The following SNTG2 variants were observed in gnomAD, a reference collection of about 807,000 sequenced individuals.
SNTG2 encodes gamma-2-syntrophin.
SNTG2 carries 74 observed loss-of-function variants against 70.9 expected under a neutral mutation model. The ratio of observed to expected loss-of-function variants is 1.04; its 90% CI spans 0.86 to 1.27. The LOEUF (loss-of-function observed/expected upper bound fraction) is 1.27. Ranked by LOEUF, SNTG2 falls within the 50% of genes most tolerant of loss-of-function variation. SNTG2 has a pLI of 0.00. For missense variants in SNTG2, 717 were observed against 690.7 expected (o/e 1.04, Z -0.43); for synonymous variants, 278 against 273.8 (o/e 1.02, Z -0.15).
At chr2:1,329,036 AAAAATCCTTTTATAAGGTAT>A (rs1243351789) in intron 16 of SNTG2, among the ~76,000 whole-genome samples, 1 of 152,162 alleles carries the variant, frequency 6.6e-6, no homozygotes, top group Non-Finnish European at 1.5e-5. Context: ...CAGACTCTTA[AAAAATCCTTTTATAAGGTAT>A]TAGCTGGGCA....
intron 11 of SNTG2, among the ~76,000 whole-genome samples, chr2:1,245,734 A>T (rs566866403): frequency 1.3e-5 from 2 of 152,368 alleles, no homozygotes; most frequent in East Asian, 3.9e-4. Flanking sequence ...TAGGTATTTT[A>T]AAATAATCTG....
intron 12 of SNTG2, among the ~76,000 whole-genome samples, chr2:1,247,890 A>G (rs1286072748): frequency 6.6e-6 from 1 of 152,212 alleles, no homozygotes; most frequent in Non-Finnish European, 1.5e-5. Flanking sequence ...AGTGGGGTCC[A>G]TAATATAAAT....
At chr2:1,028,994 G>A (rs943464426) in intron 1 of SNTG2, among the ~76,000 whole-genome samples, 5 of 152,102 alleles carry the variant, frequency 3.3e-5, no homozygotes, top group Non-Finnish European at 7.3e-5. Flanking sequence ...GAAATGTGGA[G>A]GCATGCACCT....
At chr2:1,087,317 T>G (rs1370551137) in intron 2 of SNTG2, among the ~76,000 whole-genome samples, 1 of 152,206 alleles carries the variant, frequency 6.6e-6, no homozygotes, top group Non-Finnish European at 1.5e-5. Flanking sequence ...AGAGTTCGTG[T>G]AGCATGGCTG....
chr2:1,276,352 T>A (rs1011742115), intron 14 of SNTG2, among the ~76,000 whole-genome samples: 4 of 152,206 alleles, frequency 2.6e-5, no homozygotes, highest in African/African-American at 9.6e-5. Context: ...TAGGGTCCAA[T>A]GTATATGGAG....
intron 1 of SNTG2, among the ~76,000 whole-genome samples, chr2:1,073,371 G>A (rs982057311): frequency 2.0e-5 from 3 of 152,198 alleles, no homozygotes; most frequent in Non-Finnish European, 1.5e-5. Flanking sequence ...CAACAACGAG[G>A]CAAGGTTCTC....
At chr2:1,075,020 A>G (rs1328171224) in intron 1 of SNTG2, among the ~76,000 whole-genome samples, 3 of 152,258 alleles carry the variant, frequency 2.0e-5, no homozygotes, top group Non-Finnish European at 4.4e-5. Context: ...TAAAATAATC[A>G]TGGAATCATA....
intron 1 of SNTG2, among the ~76,000 whole-genome samples, chr2:1,079,392 G>GGATT (rs1248988277): frequency 6.6e-6 from 1 of 152,164 alleles, no homozygotes; most frequent in African/African-American, 2.4e-5. Flanking sequence ...TAGAAGAAAG[G>GGATT]GATTAGCATA....
chr2:1,362,762 A>C (rs985864702), intron 16 of SNTG2, among the ~76,000 whole-genome samples: 1 of 151,316 alleles, frequency 6.6e-6, no homozygotes, highest in African/African-American at 2.4e-5. Flanking sequence ...TAGAACTTCC[A>C]CGAAGGTCAC....
chr2:1,062,367 A>G (rs35646559), intron 1 of SNTG2, among the ~76,000 whole-genome samples: 26,943 of 152,150 alleles, frequency 0.18, 2,458 homozygotes, highest in South Asian at 0.22. Flanking sequence ...CCTTGGGTGG[A>G]TGGGAGCAGA....
chr2:1,163,973 C>T (rs921178804), intron 6 of SNTG2, among the ~76,000 whole-genome samples: 2 of 152,192 alleles, frequency 1.3e-5, no homozygotes, highest in African/African-American at 4.8e-5. Context: ...ATTCAAGCTA[C>T]ATCAGGTGTC....
chr2:1,114,395 C>T (rs1202848627), intron 4 of SNTG2, among the ~76,000 whole-genome samples: 1 of 151,728 alleles, frequency 6.6e-6, no homozygotes, highest in Non-Finnish European at 1.5e-5. Flanking sequence ...CCTTACACTC[C>T]TTTGAGGAGA....
chr2:1,303,306 A>G (rs576298855), intron 14 of SNTG2, among the ~76,000 whole-genome samples: 4 of 152,332 alleles, frequency 2.6e-5, no homozygotes, highest in Non-Finnish European at 5.9e-5. Flanking sequence ...GTTAATTAAA[A>G]TGGAAACAAA....
At chr2:1,269,251 C>T (rs1332352194) in intron 14 of SNTG2, among the ~76,000 whole-genome samples, 1 of 152,104 alleles carries the variant, frequency 6.6e-6, no homozygotes, top group Non-Finnish European at 1.5e-5. Context: ...TGCCTGTAAT[C>T]CTAGCCCTTC....
At chr2:1,031,980 T>A (rs1660863610) in intron 1 of SNTG2, among the ~76,000 whole-genome samples, 1 of 152,186 alleles carries the variant, frequency 6.6e-6, no homozygotes. Context: ...ACTCTGTGAA[T>A]ACAGTAAAAA....
At chr2:988,311 C>T (rs1024235638) in intron 1 of SNTG2, among the ~76,000 whole-genome samples, 12 of 152,232 alleles carry the variant, frequency 7.9e-5, no homozygotes, top group South Asian at 2.1e-4. Flanking sequence ...ACCCCAGAGG[C>T]CCTGAGTCCA....
intron 12 of SNTG2, 71 bp from the exon 13 acceptor site, chr2:1,259,299 T>C: frequency 7.3e-7 from 1 of 1,360,656 alleles, no homozygotes; most frequent in Admixed American, 1.7e-5. Context: ...AGTCACACTA[T>C]TGTAAATTTT....
chr2:967,819 A>G lies in SNTG2; in HGVS notation c.72+16751A>G, dbSNP rs567209887. On this transcript the variant is annotated intron_variant, in intron 1 of 16. Transcript: ENST00000308624. The stretch of plus-strand genomic sequence containing the variant: ...CAAGGCAGACAGATCACCTGAGGTC[A>G]GGAGATTGAGACCAGCCTGGCCAAC... Among the ~76,000 whole-genome samples, 4 of 152,340 alleles carry G rather than the reference A, an allele frequency of 2.6e-5. No homozygotes were observed. In the East Asian group the frequency reaches 5.8e-4, roughly 22 times the overall value.
chr2:1,281,850 C>T (rs1679562581), intron 14 of SNTG2, among the ~76,000 whole-genome samples: 1 of 152,134 alleles, frequency 6.6e-6, no homozygotes, highest in Admixed American at 6.5e-5. Flanking sequence ...CACAAGCACC[C>T]CACACATCTG....
Sources: gnomAD v4.1 joint callset for allele counts (sites outside exome capture counted in the v4.1 genomes callset) on GRCh38, gnomAD v4.1.1 for gene constraint, MANE v1.5 for transcripts, NCBI Gene and HGNC (gene_info 2026-07-23, HGNC 2026-07-21) for gene names.